The following NPTN variants were observed in gnomAD, a reference collection of about 807,000 sequenced individuals.
The protein encoded by NPTN is neuroplastin, also known as SDR-1.
Under a neutral mutation model 42.7 loss-of-function variants are expected in NPTN, and 5 were observed. The observed-to-expected ratio is 0.12, with a 90% CI of 0.06 to 0.25. The LOEUF (loss-of-function observed/expected upper bound fraction) is 0.25. Ranked by LOEUF, NPTN falls within the 10% of genes least tolerant of loss-of-function variation. The pLI, the probability that NPTN is intolerant of heterozygous loss-of-function variation, is 1.00. For missense variants in NPTN, 307 were observed against 525.4 expected (o/e 0.58, Z 4.06); for synonymous variants, 180 against 201.9 (o/e 0.89, Z 0.92).
At chr15:73,632,847 G>A (rs1241576197) in intron 1 of NPTN, 1 of 349,520 alleles carries the variant, frequency 2.9e-6, no homozygotes, top group Non-Finnish European at 5.1e-6. Flanking sequence ...GTGTCCCCTC[G>A]CCGACCCGGC....
At chr15:73,613,485 T>A (rs1293707920) in intron 1 of NPTN, among the ~76,000 whole-genome samples, 1 of 152,100 alleles carries the variant, frequency 6.6e-6, no homozygotes, top group East Asian at 1.9e-4. Flanking sequence ...TATACAAAGA[T>A]CAATGAACAG....
At position 73,633,230 on chromosome 15, in the gene NPTN, G is replaced by C; in HGVS notation, c.-15C>G. The C allele has an allele frequency of 7.0e-7, 1 of 1,422,928 alleles. No homozygotes were observed. The highest frequency in any genetic ancestry group is 9.3e-7 in the Non-Finnish European group (1 of 1,081,026). 88.1% of individuals were successfully genotyped at this position (1,422,928 alleles called of 1,614,324 possible). On this transcript the variant is annotated 5_prime_UTR_variant, in exon 1 of 9. Transcript: ENST00000345330. ...GAACCCGACATCCTCCCTAGCAGAA[G>C]ACCCAACAGCGAATGGGCCGGGGCC... is the stretch of plus-strand genomic sequence containing the variant.
intron 4 of NPTN, among the ~76,000 whole-genome samples, chr15:73,579,730 G>T (rs745995808): frequency 2.0e-5 from 3 of 152,074 alleles, no homozygotes; most frequent in Non-Finnish European, 2.9e-5. Context: ...CATACTGGGG[G>T]ACACTCAACC....
intron 6 of NPTN, chr15:73,567,002 CTTTTTT>C (rs10539085): frequency 7.6e-4 from 633 of 828,722 alleles, no homozygotes; most frequent in South Asian, 1.2e-3. Flanking sequence ...AGACATGGGG[CTTTTTT>C]TTTTTTTTTT....
chr15:73,588,863 T>C (rs1896447304), intron 3 of NPTN, among the ~76,000 whole-genome samples: 1 of 152,248 alleles, frequency 6.6e-6, no homozygotes, highest in African/African-American at 2.4e-5. Flanking sequence ...CCAAGTTCTA[T>C]GTGGATAGGC....
chr15:73,627,251 A>G (rs1403952768), intron 1 of NPTN, among the ~76,000 whole-genome samples: 2 of 152,184 alleles, frequency 1.3e-5, no homozygotes, highest in Non-Finnish European at 2.9e-5. Context: ...AAAAATTGAC[A>G]TATTTCTGGA....
At chr15:73,590,121 C>T (rs539866934) in intron 3 of NPTN, among the ~76,000 whole-genome samples, 2 of 152,154 alleles carry the variant, frequency 1.3e-5, no homozygotes, top group South Asian at 2.1e-4. Flanking sequence ...AATCTCCCCA[C>T]ACCATTCCCT....
chr15:73,593,099 T>G (rs1366159607), intron 2 of NPTN, among the ~76,000 whole-genome samples: 4 of 152,166 alleles, frequency 2.6e-5, no homozygotes, highest in Admixed American at 2.6e-4. Context: ...GATTCTATTC[T>G]GCGCTTAGAT....
At chr15:73,574,885 A>C (rs1212414108) in intron 4 of NPTN, among the ~76,000 whole-genome samples, 7 of 152,250 alleles carry the variant, frequency 4.6e-5, no homozygotes, top group Admixed American at 6.5e-5. Context: ...TCTAAAAATT[A>C]AGTAAGTTTC....
At chr15:73,600,755 A>G (rs575284865) in intron 1 of NPTN, among the ~76,000 whole-genome samples, 5 of 152,324 alleles carry the variant, frequency 3.3e-5, no homozygotes, top group Non-Finnish European at 7.4e-5. Context: ...CAATTGTGCA[A>G]CATACTATGA....
chr15:73,582,251 C>T (rs2141380831), intron 4 of NPTN, among the ~76,000 whole-genome samples: 1 of 152,350 alleles, frequency 6.6e-6, no homozygotes, highest in Non-Finnish European at 1.5e-5. Context: ...CACAGAGATT[C>T]TGCATTTACG....
At chr15:73,578,590 GCTTAAT>G (rs1157514836) in intron 4 of NPTN, among the ~76,000 whole-genome samples, 2 of 152,114 alleles carry the variant, frequency 1.3e-5, no homozygotes, top group African/African-American at 2.4e-5. Flanking sequence ...TTTTTTGTTT[GCTTAAT>G]CTTAGTTTGT....
chr15:73,628,918 T>C (rs1898578728), intron 1 of NPTN, among the ~76,000 whole-genome samples: 1 of 152,190 alleles, frequency 6.6e-6, no homozygotes, highest in Non-Finnish European at 1.5e-5. Flanking sequence ...ACAGTCTAAT[T>C]TCTCATAAGG....
intron 1 of NPTN, among the ~76,000 whole-genome samples, chr15:73,600,313 A>C (rs1282872701): frequency 7.6e-6 from 1 of 132,308 alleles, no homozygotes; most frequent in Non-Finnish European, 1.6e-5. Flanking sequence ...ACCCTTTAAA[A>C]TGCCAACAAT....
Position 73,568,204 on chromosome 15 carries a change from T to C in NPTN, c.1114+1946A>G, listed in dbSNP as rs550086960. 18 of 985,524 alleles carry C rather than the reference T, an allele frequency of 1.8e-5. No homozygotes were observed. The African/African-American group carries it at 1.9e-4, about 10-fold the overall frequency. The allele number at this position is 985,524 out of a possible 1,614,324, so 61.0% of individuals were successfully genotyped here. ...ATCTAACCTACCACATGCACTGTGATAGCAACCTCATAAGCGCGGTGACTT... is the reference window on the plus strand; with the variant it reads ...ATCTAACCTACCACATGCACTGTGACAGCAACCTCATAAGCGCGGTGACTT... On this transcript the variant is annotated intron_variant, in intron 6 of 8. Transcript: ENST00000345330.
chr15:73,589,742 G>A (rs974981329), intron 3 of NPTN, among the ~76,000 whole-genome samples: 2 of 151,184 alleles, frequency 1.3e-5, no homozygotes, highest in African/African-American at 2.5e-5. Context: ...GACTATGGAC[G>A]AGGAGAGACA....
In NPTN at chr15:73,580,550, G is replaced by GTATATATGTATATACATGT. The variant is rs1464488039; in HGVS notation, c.707-6774_707-6756dup. On this transcript the variant is annotated intron_variant, in intron 4 of 8. Transcript: ENST00000345330. ...ATATATGTATATATTTGTTATATAT[G>GTATATATGTATATACATGT]TATATATGTATATACATGTTATATA... Among the ~76,000 whole-genome samples the GTATATATGTATATACATGT allele has an allele frequency of 1.1e-3, 142 of 134,878 alleles. 17 individuals are homozygous for GTATATATGTATATACATGT. The highest frequency in any genetic ancestry group is 3.3e-3 in the African/African-American group (116 of 35,468). 88.5% of individuals were successfully genotyped at this position (134,878 alleles called of 152,430 possible).
chr15:73,622,019 T>C (rs1352466429), intron 1 of NPTN, among the ~76,000 whole-genome samples: 1 of 152,134 alleles, frequency 6.6e-6, no homozygotes, highest in African/African-American at 2.4e-5. Context: ...TACTGAAATT[T>C]AGGTATAAAG....
chr15:73,616,081 A>G (rs1035140007), intron 1 of NPTN, among the ~76,000 whole-genome samples: 3 of 152,168 alleles, frequency 2.0e-5, no homozygotes, highest in Non-Finnish European at 2.9e-5. Flanking sequence ...TATACATTCT[A>G]TCTTAAATGG....
Sources: allele counts gnomAD v4.1 joint callset (sites outside exome capture counted in the v4.1 genomes callset), GRCh38; gene constraint gnomAD v4.1.1; transcripts MANE v1.5; gene names NCBI Gene and HGNC (gene_info 2026-07-23, HGNC 2026-07-21).